Variants in RARA observed in about 807,000 individuals in gnomAD.
The protein encoded by RARA is PML-DDX5-RARA fusion.
Under a neutral mutation model 42.8 loss-of-function variants are expected in RARA, and 5 were observed. That is an observed-to-expected ratio of 0.12 (90% CI 0.06 to 0.25). RARA has a LOEUF of 0.25. Among genes scored for constraint, RARA ranks in the 10% least tolerant of loss-of-function variants. The pLI is 1.00. For synonymous variants in RARA, 256 were observed against 259.5 expected, an observed-to-expected ratio of 0.99 and a Z score of 0.13; for missense variants, 402 against 628.7, an observed-to-expected ratio of 0.64 and a Z score of 3.86.
chr17:40,352,003 T>C lies in RARA; in HGVS notation c.563T>C (p.Ile188Thr). 1.2e-6 allele frequency: 2 copies of C among 1,602,094 alleles called. No homozygotes were observed. The highest frequency in any genetic ancestry group is 1.7e-6 in the Non-Finnish European group (2 of 1,176,288). Residue 188 changes from isoleucine to threonine, a missense_variant, in exon 5 of 9, where the codon ATT becomes ACT. Physicochemically the swap from Ile to Thr is moderately conservative, Grantham distance 89. Transcript: ENST00000254066. This position sits in a 1 kb window ranked among gnomAD's most constrained non-coding sequence, Gnocchi z 4.9. ...YTLTPEVGELIEKVRKAHQET... is the reference protein window; with the variant it reads ...YTLTPEVGELTEKVRKAHQET... ...CTGACGCCGGAGGTGGGGGAGCTCA[T>C]TGAGAAGGTGCGCAAAGCGCACCAG...
Position 40,351,778 on chromosome 17 carries a change from ACGCGTGCTGTGTG to A in RARA, c.470-123_470-111del. 8.3e-7 allele frequency: 1 copy of A among 1,211,884 alleles called. No homozygotes were observed. Among genetic ancestry groups the A allele is most frequent in the South Asian group, 1.4e-5 (1 of 70,140 alleles). 75.1% of individuals were successfully genotyped at this position (1,211,884 alleles called of 1,614,324 possible). The stretch of plus-strand genomic sequence containing the variant: ...GTGGCAATGCCTTGCCTGCCCGTGA[ACGCGTGCTGTGTG>A]CGCGTGCTTACAAGCCTGGGTGACC... On this transcript the variant is annotated intron_variant, in intron 4 of 8. Coordinates refer to ENST00000254066, the MANE Select transcript of RARA (RefSeq NM_000964.4). The surrounding 1 kb of genome is among the most constrained non-coding windows in gnomAD (Gnocchi z 4.1).
rs2034479028 is a variant in RARA at position 40,352,191 on chromosome 17, C to T, written c.630+121C>T. 1 of 1,490,094 alleles carries T rather than the reference C, an allele frequency of 6.7e-7. No homozygotes were observed. Among genetic ancestry groups the T allele is most frequent in the Non-Finnish European group, 8.9e-7 (1 of 1,126,384 alleles). The allele number at this position is 1,490,094 out of a possible 1,614,324, so 92.3% of individuals were successfully genotyped here. Reference sequence around the variant, plus strand: ...TCTCTGCGTCCTTCCCTTCCCCTCTCTTCTCCCTCCTCCTGCTGCCTCTTC... The same window carrying T: ...TCTCTGCGTCCTTCCCTTCCCCTCTTTTCTCCCTCCTCCTGCTGCCTCTTC... On this transcript the variant is annotated intron_variant, in intron 5 of 8. Transcript: ENST00000254066. This position sits in a 1 kb window ranked among gnomAD's most constrained non-coding sequence, Gnocchi z 4.9.
At chr17:40,329,290 A>G (rs1205735623) in intron 1 of RARA, among the ~76,000 whole-genome samples, 5 of 150,508 alleles carry the variant, frequency 3.3e-5, no homozygotes, top group Non-Finnish European at 5.9e-5. Context: ...CGCCTGGATA[A>G]CTTTTGTATT....
intron 2 of RARA, among the ~76,000 whole-genome samples, chr17:40,343,549 A>C (rs565916522): frequency 1.8e-4 from 28 of 152,208 alleles, no homozygotes; most frequent in Admixed American, 1.7e-3. Context: ...CATCCCCAGG[A>C]GTGGAGGGGA....
At chr17:40,336,840 C>T (rs1227756320) in intron 2 of RARA, among the ~76,000 whole-genome samples, 3 of 151,968 alleles carry the variant, frequency 2.0e-5, no homozygotes, top group East Asian at 1.9e-4. Context: ...GGACTACAGG[C>T]GTGTGCCGCT....
chr17:40,327,926 C>T lies in RARA; in HGVS notation c.-362-2931C>T, dbSNP rs374724749. Reference sequence around the variant, plus strand: ...GTGGGTGGGGCCCCTGTTCCTCTGACATCAGCCCTCTCAGCCTAGGAGGGA... The same window carrying T: ...GTGGGTGGGGCCCCTGTTCCTCTGATATCAGCCCTCTCAGCCTAGGAGGGA... On this transcript the variant is annotated intron_variant, in intron 1 of 8. Coordinates refer to ENST00000254066, the MANE Select transcript of RARA (RefSeq NM_000964.4). 3.9e-5 allele frequency among the ~76,000 whole-genome samples: 6 copies of T among 152,328 alleles called. No homozygotes were observed. In the East Asian group the frequency reaches 7.7e-4, roughly 20 times the overall value.
intron 2 of RARA, among the ~76,000 whole-genome samples, chr17:40,337,163 G>A (rs1227441939): frequency 2.6e-5 from 4 of 152,244 alleles, no homozygotes; most frequent in Non-Finnish European, 2.9e-5. Flanking sequence ...AGTGCTGGGG[G>A]AGGTTAAAGT....
chr17:40,338,217 G>A (rs1018217100), intron 2 of RARA, among the ~76,000 whole-genome samples: 1 of 152,230 alleles, frequency 6.6e-6, no homozygotes, highest in Non-Finnish European at 1.5e-5. Context: ...GTGCAGGCCT[G>A]CCTGCCCTTT....
At position 40,350,136 on chromosome 17, in the gene RARA, C is replaced by T. The variant is rs1006805612; in HGVS notation, c.469+211C>T. Reference sequence around the variant, plus strand: ...CTGTGTGTCCACGGGCAGGTCTGTGCTCCGGGACCGTGTATGTGTAACCAT... The same window carrying T: ...CTGTGTGTCCACGGGCAGGTCTGTGTTCCGGGACCGTGTATGTGTAACCAT... On this transcript the variant is annotated intron_variant, in intron 4 of 8. Transcript: ENST00000254066. 4.5e-6 allele frequency: 3 copies of T among 661,768 alleles called. No individual in the cohort carries two copies. The African/African-American group carries it at 5.5e-5, about 12-fold the overall frequency. 41.0% of individuals were successfully genotyped at this position (661,768 alleles called of 1,614,324 possible). A position where few individuals can be genotyped will look rare whatever the true frequency, so the allele number is the denominator to read the frequency against.
Position 40,331,061 on chromosome 17 carries a change from C to T in RARA, c.-158C>T. ...GGGGGCTCCAGGAGACTGAGATTAG[C>T]CTGCCCTCTTTGGACAGCAGCTCCA... On this transcript the variant is annotated 5_prime_UTR_variant, in exon 2 of 9. Coordinates refer to ENST00000254066, the MANE Select transcript of RARA (RefSeq NM_000964.4). The T allele has an allele frequency of 1.2e-6, 1 of 834,030 alleles. No individual in the cohort carries two copies. Among genetic ancestry groups the T allele is most frequent in the Non-Finnish European group, 1.8e-6 (1 of 554,486 alleles). The allele number at this position is 834,030 out of a possible 1,614,324, so 51.7% of individuals were successfully genotyped here.
chr17:40,312,861 A>T (rs758477532), intron 1 of RARA, among the ~76,000 whole-genome samples: 4 of 152,202 alleles, frequency 2.6e-5, no homozygotes, highest in Non-Finnish European at 5.9e-5. Flanking sequence ...ACCTGAACCC[A>T]GGCCCTCCCT....
At chr17:40,341,781 T>A in intron 2 of RARA, 1 of 1,290,002 alleles carries the variant, frequency 7.8e-7, no homozygotes, top group African/African-American at 1.6e-5. Flanking sequence ...CACCACGGCT[T>A]CGCTCGGCCA....
intron 4 of RARA, among the ~76,000 whole-genome samples, chr17:40,350,906 G>C (rs1314202647): frequency 6.6e-6 from 1 of 151,976 alleles, no homozygotes; most frequent in Admixed American, 6.6e-5. Context: ...CCTCCTCTCT[G>C]TTTGTGCCAC....
intron 2 of RARA, among the ~76,000 whole-genome samples, chr17:40,346,751 A>G (rs1598575620): frequency 6.6e-6 from 1 of 151,690 alleles, no homozygotes; most frequent in African/African-American, 2.4e-5. Flanking sequence ...GTTGGAGTGA[A>G]GAGCAGACGG....
chr17:40,322,112 G>C (rs2143205391), intron 1 of RARA, among the ~76,000 whole-genome samples: 1 of 152,168 alleles, frequency 6.6e-6, no homozygotes, highest in Non-Finnish European at 1.5e-5. Flanking sequence ...GTCTGGGTCT[G>C]GCTGGCCGCC....
intron 1 of RARA, among the ~76,000 whole-genome samples, chr17:40,316,458 A>G (rs902454116): frequency 7.9e-5 from 12 of 152,250 alleles, no homozygotes; most frequent in African/African-American, 2.9e-4. Context: ...GCCTGACCCT[A>G]TGATGGCAGG....
In RARA at chr17:40,345,288, C is replaced by T. The variant is rs1186182330; in HGVS notation, c.179-3028C>T. On this transcript the variant is annotated intron_variant, in intron 2 of 8. Transcript: ENST00000254066. The surrounding 1 kb of genome is among the most constrained non-coding windows in gnomAD (Gnocchi z 4.8). Reference sequence around the variant, plus strand: ...CTGCCGCGGTACACCCAGAGCTACCCCCGCCTCTCCCCGGGAGGAGGAAGG... The same window carrying T: ...CTGCCGCGGTACACCCAGAGCTACCTCCGCCTCTCCCCGGGAGGAGGAAGG... The T allele has an allele frequency of 6.5e-6, 1 of 153,098 alleles. No individual in the cohort carries two copies. The highest frequency in any genetic ancestry group is 1.5e-5 in the Non-Finnish European group (1 of 68,108). The allele number at this position is 153,098 out of a possible 1,614,324, so 9.5% of individuals were successfully genotyped here. A position where few individuals can be genotyped will look rare whatever the true frequency, so the allele number is the denominator to read the frequency against.
chr17:40,351,914 G>A lies in RARA; in HGVS notation c.474G>A (p.Val158=), dbSNP rs746179870. The A allele has an allele frequency of 1.2e-6, 2 of 1,611,962 alleles. No homozygotes were observed. Among genetic ancestry groups the A allele is most frequent in the Admixed American group, 3.4e-5 (2 of 59,290 alleles). ...CFEVGMSKES[V]RNDRNKKKKE... is the part of the protein sequence containing the mutation. ...AACCCCCTCTGCCCTCCACAGCTGT[G>A]AGAAACGACCGAAACAAGAAGAAGA... is the stretch of plus-strand genomic sequence containing the variant. Residue 158 remains valine (V), a synonymous_variant, in exon 5 of 9, where the codon GTG becomes GTA. Transcript: ENST00000254066. The surrounding 1 kb of genome is among the most constrained non-coding windows in gnomAD (Gnocchi z 4.1).
At chr17:40,322,204 C>T (rs1385308959) in intron 1 of RARA, among the ~76,000 whole-genome samples, 2 of 151,862 alleles carry the variant, frequency 1.3e-5, no homozygotes. Flanking sequence ...CACCTTCAGC[C>T]AAGGTGCCCT....
Sources: gnomAD v4.1 joint callset for allele counts (sites outside exome capture counted in the v4.1 genomes callset) on GRCh38, gnomAD v4.1.1 for gene constraint, Gnocchi (gnomAD v3.1) non-coding constraint, MANE v1.5 for transcripts, NCBI Gene and HGNC (gene_info 2026-07-23, HGNC 2026-07-21) for gene names.